ERMP1: variants seen among roughly 807,000 people sequenced by gnomAD.
ERMP1 encodes Felix-ina.
In ERMP1, 86 loss-of-function variants were observed where a neutral mutation model predicts 92.0. That is an observed-to-expected ratio of 0.93 (90% confidence interval 0.79 to 1.12). The LOEUF is 1.12. Ranked by LOEUF, ERMP1 falls within the 50% of genes most tolerant of loss-of-function variation. ERMP1 has a pLI of 0.00. For synonymous variants in ERMP1, 530 were observed against 412.8 expected (o/e 1.28, Z -3.44); for missense variants, 1,342 against 1,116.3 (o/e 1.20, Z -2.88).
rs1828488863 is a variant in ERMP1 at position 5,797,671 on chromosome 9, T to G, written c.2386+146A>C. ...TCAAAAAAAAAAAAAAAAGAAGTCA[T>G]AACCAGCTTCAATTGATTTTAGAAA... is the stretch of plus-strand genomic sequence containing the variant. On this transcript the variant is annotated intron_variant, in intron 13 of 14. Transcript: ENST00000339450. The G allele has an allele frequency of 5.2e-6, 3 of 575,496 alleles. No individual in the cohort carries two copies. The Admixed American group carries it at 9.6e-5, about 18-fold the overall frequency. 35.6% of individuals were successfully genotyped at this position (575,496 alleles called of 1,614,324 possible).
At chr9:5,825,706 T>C (rs1164193328) in intron 2 of ERMP1, among the ~76,000 whole-genome samples, 1 of 152,158 alleles carries the variant, frequency 6.6e-6, no homozygotes, top group East Asian at 1.9e-4. Flanking sequence ...TTGGATGGTG[T>C]AACATTCCTT....
intron 6 of ERMP1, among the ~76,000 whole-genome samples, chr9:5,845,349 A>G (rs1830222555): frequency 6.6e-6 from 1 of 152,030 alleles, no homozygotes; most frequent in Non-Finnish European, 1.5e-5. Context: ...GATCACTTGA[A>G]ACCAGGAGTT....
intron 6 of ERMP1, chr9:5,856,265 C>T (rs544833305): frequency 2.9e-4 from 82 of 279,978 alleles, no homozygotes; most frequent in Non-Finnish European, 4.7e-4. Flanking sequence ...GGTCTGGAAC[C>T]GAAAGACTGT....
intron 13 of ERMP1, among the ~76,000 whole-genome samples, chr9:5,794,863 G>GA (rs1828350465): frequency 6.6e-6 from 1 of 152,146 alleles, no homozygotes; most frequent in Non-Finnish European, 1.5e-5. Context: ...AAGCTTTTCA[G>GA]AAGACAGAAG....
Position 5,787,120 on chromosome 9 carries a change from T to C in ERMP1, c.*24A>G, listed in dbSNP as rs1036965080. ...TGTCACATGGAGTATCCACTGGGCA[T>C]GTACTTAGAGCTCATCCACAAGATT... On this transcript the variant is annotated 3_prime_UTR_variant, in exon 15 of 15. Coordinates refer to ENST00000339450, the MANE Select transcript of ERMP1 (RefSeq NM_024896.3). 5 of 1,602,002 alleles carry C rather than the reference T, an allele frequency of 3.1e-6. No individual in the cohort carries two copies. In the African/African-American group the frequency reaches 5.4e-5, roughly 17 times the overall value.
intron 6 of ERMP1, among the ~76,000 whole-genome samples, chr9:5,839,569 T>C (rs1030918420): frequency 2.0e-5 from 3 of 151,884 alleles, no homozygotes; most frequent in Non-Finnish European, 4.4e-5. Context: ...TTAATGAGAG[T>C]TTACATTGCC....
At chr9:5,845,006 C>G (rs554612379) in intron 6 of ERMP1, among the ~76,000 whole-genome samples, 1 of 152,242 alleles carries the variant, frequency 6.6e-6, no homozygotes, top group Non-Finnish European at 1.5e-5. Flanking sequence ...CCAAAGCGAA[C>G]AGGGGAAAAT....
chr9:5,841,574 G>A (rs1434770015), intron 6 of ERMP1, among the ~76,000 whole-genome samples: 1 of 152,140 alleles, frequency 6.6e-6, no homozygotes, highest in East Asian at 1.9e-4. Context: ...GAGGCCAGTG[G>A]ATCACTTGAG....
At chr9:5,821,405 A>G (rs79186739) in intron 4 of ERMP1, among the ~76,000 whole-genome samples, 300 of 152,304 alleles carry the variant, frequency 2.0e-3, no homozygotes, top group African/African-American at 7.1e-3. Flanking sequence ...ACCCTTTCAG[A>G]TAATGTAATT....
chr9:5,792,296 A>G (rs1271871246), intron 13 of ERMP1, among the ~76,000 whole-genome samples: 1 of 152,252 alleles, frequency 6.6e-6, no homozygotes, highest in Non-Finnish European at 1.5e-5. Flanking sequence ...TCGATATTTG[A>G]AAGATAAACT....
intron 4 of ERMP1, among the ~76,000 whole-genome samples, chr9:5,814,214 AGACACATGGAACATAATAACC>A (rs1420554774): frequency 2.0e-5 from 3 of 152,212 alleles, no homozygotes; most frequent in African/African-American, 7.2e-5. Flanking sequence ...AGAATGAATA[AGACACATGGAACATAATAACC>A]GTGGACCATA....
chr9:5,802,975 G>A (rs1828728038), intron 10 of ERMP1, among the ~76,000 whole-genome samples: 1 of 152,106 alleles, frequency 6.6e-6, no homozygotes, highest in Non-Finnish European at 1.5e-5. Context: ...GGTGGTTGCA[G>A]GGAGCCGAGA....
chr9:5,786,097 C>G lies in ERMP1; in HGVS notation c.*1047G>C, dbSNP rs941843025. 6.6e-5 allele frequency: 10 copies of G among 152,200 alleles called. No individual in the cohort carries two copies. Among genetic ancestry groups the G allele is most frequent in the African/African-American group, 2.4e-4 (10 of 41,432 alleles). 9.4% of individuals were successfully genotyped at this position (152,200 alleles called of 1,614,324 possible). On this transcript the variant is annotated 3_prime_UTR_variant, in exon 15 of 15. Coordinates refer to ENST00000339450, the MANE Select transcript of ERMP1 (RefSeq NM_024896.3). ...CTCAAGTCTCAGGAAAGCCAGTCTG[C>G]TGGATAGTAAGTTACTGAGAAAAAC...
At chr9:5,805,343 G>C in intron 9 of ERMP1, 126 bp from the exon 10 acceptor site, 1 of 739,418 alleles carries the variant, frequency 1.4e-6, no homozygotes, top group Non-Finnish European at 2.2e-6. Flanking sequence ...GCCCTTAAGG[G>C]TGTATGTTAT....
At chr9:5,866,464 A>G (rs1469548250) in intron 5 of ERMP1, among the ~76,000 whole-genome samples, 5 of 152,208 alleles carry the variant, frequency 3.3e-5, no homozygotes, top group Non-Finnish European at 7.3e-5. Context: ...CGAGAATGCT[A>G]TTAATATGCA....
upstream of ERMP1, among the ~76,000 whole-genome samples, chr9:5,834,834 G>C (rs775310103): frequency 2.1e-4 from 32 of 150,334 alleles, no homozygotes; most frequent in Non-Finnish European, 3.4e-4. Context: ...TCCTGGATCT[G>C]GTACCTTTAG....
At chr9:5,854,186 G>A (rs1356169993) in intron 6 of ERMP1, among the ~76,000 whole-genome samples, 1 of 151,934 alleles carries the variant, frequency 6.6e-6, no homozygotes, top group East Asian at 1.9e-4. Flanking sequence ...GGAGGAGAAG[G>A]GGCCATGCTC....
intron 13 of ERMP1, among the ~76,000 whole-genome samples, chr9:5,789,725 C>T (rs1341418126): frequency 3.3e-5 from 5 of 152,078 alleles, no homozygotes; most frequent in African/African-American, 1.2e-4. Context: ...GCTCTATCGC[C>T]TAGGCTGGAG....
At chr9:5,794,001 T>C (rs1586768311) in intron 13 of ERMP1, among the ~76,000 whole-genome samples, 1 of 152,100 alleles carries the variant, frequency 6.6e-6, no homozygotes, top group Admixed American at 6.5e-5. Flanking sequence ...TCAAGCATAC[T>C]GCTTGAAATG....
Sources: allele counts gnomAD v4.1 joint callset (sites outside exome capture counted in the v4.1 genomes callset), GRCh38; gene constraint gnomAD v4.1.1; transcripts MANE v1.5; gene names NCBI Gene and HGNC (gene_info 2026-07-23, HGNC 2026-07-21).